Variants in CD38 observed in about 807,000 individuals in gnomAD.
CD38 encodes the protein CD38 molecule.
A neutral mutation model predicts 36.3 loss-of-function variants in CD38; 31 were observed. That is an observed-to-expected ratio of 0.85 (90% confidence interval 0.64 to 1.15). The LOEUF is 1.15. Among genes scored for constraint, CD38 ranks in the 50% most tolerant of loss-of-function variants. CD38 has a pLI of 0.00. For synonymous variants in CD38, 131 were observed against 135.2 expected (o/e 0.97, Z 0.22); for missense variants, 380 against 371.9 (o/e 1.02, Z -0.18).
At chr4:15,789,245 A>C (rs1346874407) in intron 1 of CD38, among the ~76,000 whole-genome samples, 1 of 152,242 alleles carries the variant, frequency 6.6e-6, no homozygotes, top group Non-Finnish European at 1.5e-5. Flanking sequence ...AGCAGTAAAC[A>C]AAACAGATGA....
At chr4:15,808,038 G>T (rs1392429288) in intron 1 of CD38, among the ~76,000 whole-genome samples, 1 of 152,280 alleles carries the variant, frequency 6.6e-6, no homozygotes, top group African/African-American at 2.4e-5. Flanking sequence ...GACCAGTGGG[G>T]CTTTGCAGGT....
chr4:15,780,483 G>C (rs1029755255), intron 1 of CD38, among the ~76,000 whole-genome samples: 3 of 149,206 alleles, frequency 2.0e-5, no homozygotes, highest in African/African-American at 7.7e-5. Context: ...TTTCTTATGG[G>C]AGATTTTTAT....
chr4:15,787,760 G>A (rs1026456162), intron 1 of CD38, among the ~76,000 whole-genome samples: 7 of 152,166 alleles, frequency 4.6e-5, no homozygotes, highest in Non-Finnish European at 7.4e-5. Context: ...GTGAAAGAGC[G>A]GCTAGGGGAC....
intron 1 of CD38, among the ~76,000 whole-genome samples, chr4:15,791,534 A>T (rs1199602430): frequency 5.4e-5 from 1 of 18,418 alleles, no homozygotes; most frequent in Admixed American, 4.4e-4. Flanking sequence ...AGGTGGGGGG[A>T]TCAGCCCCCC....
chr4:15,840,594 C>CT, intron 7 of CD38, 56 bp downstream of exon 7: 5 of 1,039,134 alleles, frequency 4.8e-6, no homozygotes, highest in Non-Finnish European at 7.4e-6. Context: ...GTAGAATTTC[C>CT]TTTTTTCCTT....
intron 1 of CD38, among the ~76,000 whole-genome samples, chr4:15,783,433 TC>T (rs552447465): frequency 6.6e-6 from 1 of 152,194 alleles, no homozygotes; most frequent in South Asian, 2.1e-4. Flanking sequence ...CTGCTGGTGG[TC>T]TAGGCAAGCA....
intron 1 of CD38, among the ~76,000 whole-genome samples, chr4:15,812,372 A>G (rs1192314607): frequency 6.6e-6 from 1 of 152,180 alleles, no homozygotes; most frequent in Non-Finnish European, 1.5e-5. Flanking sequence ...GAAGCTGTAA[A>G]TCAGCTTGGA....
chr4:15,809,091 A>C (rs1334184292), intron 1 of CD38, among the ~76,000 whole-genome samples: 1 of 152,224 alleles, frequency 6.6e-6, no homozygotes, highest in Non-Finnish European at 1.5e-5. Flanking sequence ...TGAGGATCCA[A>C]TGAGATGCCT....
At position 15,804,152 on chromosome 4, in the gene CD38, A is replaced by G. The variant is rs563999181; in HGVS notation, c.234-12359A>G. On this transcript the variant is annotated intron_variant, in intron 1 of 7. Transcript: ENST00000226279. ...TGTCTTTTTTTTGGTAGAACAATTT[A>G]TTTTCCTGTGGGCCATATACCCAGT... is the stretch of plus-strand genomic sequence containing the variant. 4.3e-4 allele frequency among the ~76,000 whole-genome samples: 65 copies of G among 152,128 alleles called. 1 individual carries two copies. Among genetic ancestry groups the G allele is most frequent in the Admixed American group, 4.3e-3 (65 of 15,268 alleles).
intron 1 of CD38, among the ~76,000 whole-genome samples, chr4:15,785,796 C>CAA (rs1722806355): frequency 6.6e-6 from 1 of 152,198 alleles, no homozygotes; most frequent in African/African-American, 2.4e-5. Flanking sequence ...GGTTCTTGGT[C>CAA]TCACTAACTT....
At chr4:15,814,165 T>C (rs995691614) in intron 1 of CD38, among the ~76,000 whole-genome samples, 2 of 152,248 alleles carry the variant, frequency 1.3e-5, no homozygotes, top group African/African-American at 4.8e-5. Flanking sequence ...ATGGTATCCA[T>C]TGCGATTTTG....
At chr4:15,847,750 T>A (rs982302000) in intron 7 of CD38, among the ~76,000 whole-genome samples, 1 of 152,180 alleles carries the variant, frequency 6.6e-6, no homozygotes, top group African/African-American at 2.4e-5. Flanking sequence ...CTCTTTTACC[T>A]TTTTTGTCTT....
At chr4:15,824,192 C>A (rs1456541206) in intron 2 of CD38, among the ~76,000 whole-genome samples, 2 of 152,080 alleles carry the variant, frequency 1.3e-5, no homozygotes, top group Admixed American at 1.3e-4. Context: ...ATAGCTAATG[C>A]ATACTTGGCT....
intron 1 of CD38, among the ~76,000 whole-genome samples, chr4:15,794,083 A>G (rs938757698): frequency 3.3e-5 from 5 of 152,204 alleles, no homozygotes; most frequent in African/African-American, 1.2e-4. Context: ...AACAACTCGT[A>G]AGTTTTAAAT....
At chr4:15,808,989 T>C (rs1474512616) in intron 1 of CD38, among the ~76,000 whole-genome samples, 1 of 152,148 alleles carries the variant, frequency 6.6e-6, no homozygotes, top group Non-Finnish European at 1.5e-5. Flanking sequence ...AAGATGCAAA[T>C]TCTGGCTGGG....
intron 7 of CD38, among the ~76,000 whole-genome samples, chr4:15,848,140 T>A (rs6812996): frequency 0.058 from 8,771 of 152,304 alleles, 819 homozygotes; most frequent in African/African-American, 0.2. Flanking sequence ...TTAGCTAATT[T>A]TTATGAAAAT....
rs1157273908 is a variant in CD38, at chr4:15,841,799, G to A, written c.839+1261G>A. ...TTTCCGAGTCAAAGAAAGGGGTGAC[G>A]GACGCACCTGGAAAATCGGGTCACT... On this transcript the variant is annotated intron_variant, in intron 7 of 7. Coordinates refer to ENST00000226279, the MANE Select transcript of CD38 (RefSeq NM_001775.4). Among the ~76,000 whole-genome samples the A allele has an allele frequency of 7.8e-5, 11 of 141,122 alleles. No individual in the cohort carries two copies. In the East Asian group the frequency reaches 1.7e-3, roughly 21 times the overall value. The allele number at this position is 141,122 out of a possible 152,430, so 92.6% of individuals were successfully genotyped here. A position where few individuals can be genotyped will look rare whatever the true frequency, so the allele number is the denominator to read the frequency against.
At chr4:15,808,249 C>T (rs561200795) in intron 1 of CD38, among the ~76,000 whole-genome samples, 6 of 152,266 alleles carry the variant, frequency 3.9e-5, no homozygotes, top group Admixed American at 3.3e-4. Context: ...CCACATTTCA[C>T]ATCATTAGAC....
At chr4:15,803,374 C>T (rs905634428) in intron 1 of CD38, among the ~76,000 whole-genome samples, 2 of 152,130 alleles carry the variant, frequency 1.3e-5, no homozygotes, top group East Asian at 1.9e-4. Context: ...TATTTGCAAA[C>T]GGTTTCTCTG....
Sources: allele counts gnomAD v4.1 joint callset (sites outside exome capture counted in the v4.1 genomes callset), GRCh38; gene constraint gnomAD v4.1.1; transcripts MANE v1.5; gene names NCBI Gene and HGNC (gene_info 2026-07-23, HGNC 2026-07-21).